HIVEP3: variants seen among roughly 807,000 people sequenced by gnomAD.
HIVEP3 encodes the protein HIVEP zinc finger 3, also known as transcription factor HIVEP3.
HIVEP3 carries 49 observed loss-of-function variants against 152.8 expected under a neutral mutation model. That is an observed-to-expected ratio of 0.32 (90% CI 0.26 to 0.41). The LOEUF (loss-of-function observed/expected upper bound fraction) is 0.41. HIVEP3 is among the 10% of genes least tolerant of loss of function. HIVEP3 has a pLI of 1.00. For synonymous variants in HIVEP3, 1,269 were observed against 1,289.0 expected, an observed-to-expected ratio of 0.98 and a Z score of 0.33; for missense variants, 2,790 against 3,103.3, an observed-to-expected ratio of 0.90 and a Z score of 2.40.
intron 5 of HIVEP3, among the ~76,000 whole-genome samples, chr1:41,539,313 A>G (rs1215322757): frequency 6.6e-6 from 1 of 152,192 alleles, no homozygotes; most frequent in Non-Finnish European, 1.5e-5. Context: ...CCATGCTCTG[A>G]GCTCTGGGCA....
At chr1:41,699,637 C>T (rs537809246) in intron 2 of HIVEP3, among the ~76,000 whole-genome samples, 4 of 152,150 alleles carry the variant, frequency 2.6e-5, no homozygotes, top group South Asian at 2.1e-4. Context: ...GGCAGCCCAA[C>T]GCAGGATGGG....
rs1382256825 is a variant in HIVEP3, at chr1:41,581,018, C to A, written c.3780G>T (p.Gln1260His). 6.4e-7 allele frequency: 1 copy of A among 1,561,262 alleles called. No homozygotes were observed. Among genetic ancestry groups the A allele is most frequent in the Admixed American group, 1.9e-5 (1 of 53,176 alleles). ...LPGDVESHLP[Q>H]IKTSLAPLAT... is the part of the protein sequence containing the mutation. ...CCAGTGGGGCCAGGCTGGTTTTGAT[C>A]TGGGGCAGATGGCTTTCCACATCAC... The change falls in exon 4 of 9, where the codon CAG becomes CAT. Residue 1260 changes from glutamine to histidine, a missense_variant. By Grantham distance (24) the Gln-to-His change is conservative (BLOSUM62 0). Around this residue, in one of 9 missense-constraint regions of HIVEP3, gnomAD observed 1,078 missense variants for 1,165.3 expected, o/e 0.93. Coordinates refer to ENST00000372583, the MANE Select transcript of HIVEP3 (RefSeq NM_024503.5). The surrounding 1 kb of genome is among the most constrained non-coding windows in gnomAD (Gnocchi z 4.5).
rs183133664 is a variant in HIVEP3, at chr1:41,978,102, T to C, written n.119+57705A>G. On this transcript the variant is annotated intron_variant and non_coding_transcript_variant, in intron 1 of 3. Coordinates refer to the HIVEP3 transcript ENST00000489103. ...GACCCAAGTCTATGTCTTTACTTTCTGGTCTAAATTATAGAATGTATTAGT... is the reference window on the plus strand; with the variant it reads ...GACCCAAGTCTATGTCTTTACTTTCCGGTCTAAATTATAGAATGTATTAGT... Among the ~76,000 whole-genome samples the C allele has an allele frequency of 4.6e-3, 703 of 152,362 alleles. 5 individuals carry two copies. Among genetic ancestry groups the C allele is most frequent in the Middle Eastern group, 0.01 (3 of 294 alleles).
chr1:41,730,708 T>C (rs1210601529), intron 1 of HIVEP3, among the ~76,000 whole-genome samples: 1 of 152,206 alleles, frequency 6.6e-6, no homozygotes, highest in Non-Finnish European at 1.5e-5. Context: ...TCAGGTGGCA[T>C]TAGGAGGCCT....
intron 5 of HIVEP3, among the ~76,000 whole-genome samples, chr1:41,559,408 A>G (rs1312935089): frequency 6.6e-6 from 1 of 152,184 alleles, no homozygotes; most frequent in African/African-American, 2.4e-5. Context: ...ATCAGTGTGT[A>G]TTTCCTATAG....
intron 5 of HIVEP3, among the ~76,000 whole-genome samples, chr1:41,527,978 C>T (rs1055384449): frequency 2.1e-5 from 3 of 145,722 alleles, no homozygotes; most frequent in African/African-American, 7.7e-5. Flanking sequence ...CATTCACCTT[C>T]ACACTCCACA....
chr1:42,020,733 T>C (rs1055265084), intron 1 of HIVEP3, among the ~76,000 whole-genome samples: 1 of 152,196 alleles, frequency 6.6e-6, no homozygotes, highest in African/African-American at 2.4e-5. Context: ...TCCTGCTTCA[T>C]GGAGTTTTCA....
At chr1:41,817,844 G>A (rs532476195) in intron 1 of HIVEP3, among the ~76,000 whole-genome samples, 3 of 152,152 alleles carry the variant, frequency 2.0e-5, no homozygotes, top group Non-Finnish European at 4.4e-5. Flanking sequence ...AATACCCACA[G>A]GCTGCCTTGA....
At chr1:41,766,186 AG>A (rs1647999125) in intron 1 of HIVEP3, among the ~76,000 whole-genome samples, 1 of 152,194 alleles carries the variant, frequency 6.6e-6, no homozygotes, top group Non-Finnish European at 1.5e-5. Flanking sequence ...GAGGCTCTGG[AG>A]TTAGTGCAGT....
At chr1:41,756,934 T>C (rs1170902224) in intron 1 of HIVEP3, among the ~76,000 whole-genome samples, 1 of 152,034 alleles carries the variant, frequency 6.6e-6, no homozygotes, top group Non-Finnish European at 1.5e-5. Flanking sequence ...AGAAAGTTAT[T>C]CTGCAATAAA....
intron 1 of HIVEP3, among the ~76,000 whole-genome samples, chr1:42,026,496 C>T (rs990626295): frequency 6.6e-6 from 1 of 152,034 alleles, no homozygotes; most frequent in Non-Finnish European, 1.5e-5. Flanking sequence ...GAATTTTGGT[C>T]CAAATAACCT....
chr1:41,939,231 A>G (rs1249810923), intron 1 of HIVEP3, among the ~76,000 whole-genome samples: 1 of 152,176 alleles, frequency 6.6e-6, no homozygotes, highest in Non-Finnish European at 1.5e-5. Context: ...TTCATAAACC[A>G]AGCACCCAAT....
chr1:41,864,728 A>C (rs1034081977), intron 1 of HIVEP3: 2 of 152,268 alleles, frequency 1.3e-5, no homozygotes, highest in African/African-American at 4.8e-5. Flanking sequence ...AGGCCCATGG[A>C]AACACTCTGG....
chr1:41,522,571 G>T (rs1642788716), intron 6 of HIVEP3, among the ~76,000 whole-genome samples: 1 of 152,204 alleles, frequency 6.6e-6, no homozygotes, highest in South Asian at 2.1e-4. Context: ...AATGGGGAGG[G>T]CCTACAGCCC....
Position 41,511,410 on chromosome 1 carries a change from C to T in HIVEP3, c.6406-144G>A. 2 of 729,052 alleles carry T rather than the reference C, an allele frequency of 2.7e-6. No homozygotes were observed. The highest frequency in any genetic ancestry group is 2.2e-6 in the Non-Finnish European group (1 of 455,560). The allele number at this position is 729,052 out of a possible 1,614,324, so 45.2% of individuals were successfully genotyped here. ...GCTGAGCTGAGCCCAGAACCAAGTTCCTGACTCCCTGCCCACAGATGCTGA... is the reference window on the plus strand; with the variant it reads ...GCTGAGCTGAGCCCAGAACCAAGTTTCTGACTCCCTGCCCACAGATGCTGA... On this transcript the variant is annotated intron_variant, in intron 8 of 8. Coordinates refer to ENST00000372583, the MANE Select transcript of HIVEP3 (RefSeq NM_024503.5). This position sits in a 1 kb window ranked among gnomAD's most constrained non-coding sequence, Gnocchi z 4.9.
At chr1:41,618,714 A>G (rs890683876) in intron 3 of HIVEP3, among the ~76,000 whole-genome samples, 1 of 152,172 alleles carries the variant, frequency 6.6e-6, no homozygotes, top group Non-Finnish European at 1.5e-5. Context: ...CCAAGACAAA[A>G]GGGACCTTGG....
In HIVEP3 at chr1:41,545,746, C is replaced by T. The variant is rs1189488543; in HGVS notation, c.5208-20836G>A. ...AATACCACTACCATCACCACCATCA[C>T]CACTGCCACCACCACCACTACCATC... On this transcript the variant is annotated intron_variant, in intron 5 of 8. Coordinates refer to ENST00000372583, the MANE Select transcript of HIVEP3 (RefSeq NM_024503.5). Among the ~76,000 whole-genome samples, 3 of 144,714 alleles carry T rather than the reference C, an allele frequency of 2.1e-5. No individual in the cohort carries two copies. In the East Asian group the frequency reaches 6.1e-4, roughly 29 times the overall value. 94.9% of individuals were successfully genotyped at this position (144,714 alleles called of 152,430 possible).
intron 2 of HIVEP3, among the ~76,000 whole-genome samples, chr1:41,673,227 A>T (rs1645904412): frequency 6.6e-6 from 1 of 152,216 alleles, no homozygotes; most frequent in Admixed American, 6.5e-5. Context: ...AGTTGGAGCC[A>T]AACAGCTGGG....
At position 41,793,708 on chromosome 1, in the gene HIVEP3, G is replaced by A. The variant is rs554262919; in HGVS notation, c.-800-92713C>T. On this transcript the variant is annotated intron_variant, in intron 1 of 8. Coordinates refer to ENST00000372583, the MANE Select transcript of HIVEP3 (RefSeq NM_024503.5). ...TAGAAAGATTTCTGTCCTGCAGGAAGGACTCAGAATTTTTACTATGTCAGC... is the reference window on the plus strand; with the variant it reads ...TAGAAAGATTTCTGTCCTGCAGGAAAGACTCAGAATTTTTACTATGTCAGC... Among the ~76,000 whole-genome samples, 237 of 152,344 alleles carry A rather than the reference G, an allele frequency of 1.6e-3. 1 individual carries two copies. The highest frequency in any genetic ancestry group is 2.2e-3 in the Non-Finnish European group (152 of 68,038).
Sources: allele counts gnomAD v4.1 joint callset (sites outside exome capture counted in the v4.1 genomes callset), GRCh38; gene constraint gnomAD v4.1.1; regional missense constraint gnomAD v4.1.1; non-coding constraint Gnocchi (gnomAD v3.1); transcripts MANE v1.5; gene names NCBI Gene and HGNC (gene_info 2026-07-23, HGNC 2026-07-21).